HTR5A: variants seen among roughly 807,000 people sequenced by gnomAD.
The protein encoded by HTR5A is 5-HT-5.
HTR5A carries 21 observed loss-of-function variants against 24.3 expected under a neutral mutation model. The observed-to-expected ratio is 0.86, with a 90% CI of 0.61 to 1.24. The LOEUF is 1.24. Ranked by LOEUF, HTR5A falls within the 50% of genes most tolerant of loss-of-function variation. HTR5A has a pLI of 0.00. For missense variants in HTR5A, 497 were observed against 489.5 expected (o/e 1.02, Z -0.15); for synonymous variants, 260 against 213.7 (o/e 1.22, Z -1.89).
intron 1 of HTR5A, among the ~76,000 whole-genome samples, chr7:155,072,413 A>C (rs1337214301): frequency 6.6e-6 from 1 of 152,204 alleles, no homozygotes. Flanking sequence ...AAAATCCAGG[A>C]AAGAGAATTC....
Position 155,086,067 on chromosome 7 carries a change from C to A in HTR5A, c.*1580C>A, listed in dbSNP as rs1393543863. On this transcript the variant is annotated 3_prime_UTR_variant, in exon 2 of 2. Transcript: ENST00000287907. ...TGTATATATCACTTGAAGTGCTAAA[C>A]CCACAAGTATTTAAAATACAGACTC... is the stretch of plus-strand genomic sequence containing the variant. Among the ~76,000 whole-genome samples the A allele has an allele frequency of 6.6e-6, 1 of 152,132 alleles. No individual in the cohort carries two copies. The highest frequency in any genetic ancestry group is 1.5e-5 in the Non-Finnish European group (1 of 68,022).
chr7:155,083,661 A>G (rs1027025838), intron 1 of HTR5A, among the ~76,000 whole-genome samples: 1 of 152,236 alleles, frequency 6.6e-6, no homozygotes, highest in South Asian at 2.1e-4. Flanking sequence ...CTCAAACAGT[A>G]GAATATGCTA....
rs1795331486 is a variant in HTR5A at position 155,073,904 on chromosome 7, T to TATATAC, written c.741+2269_741+2270insCATATA. Among the ~76,000 whole-genome samples the TATATAC allele has an allele frequency of 1.2e-3, 46 of 37,118 alleles. 1 individual carries two copies. Among genetic ancestry groups the TATATAC allele is most frequent in the African/African-American group, 2.6e-3 (44 of 16,724 alleles). 24.4% of individuals were successfully genotyped at this position (37,118 alleles called of 152,430 possible). On this transcript the variant is annotated intron_variant, in intron 1 of 1. Coordinates refer to ENST00000287907, the MANE Select transcript of HTR5A (RefSeq NM_024012.4). The stretch of plus-strand genomic sequence containing the variant: ...ATATATATATGTATATATATATATA[T>TATATAC]ATATATATATATGTATATATATATA...
intron 1 of HTR5A, among the ~76,000 whole-genome samples, chr7:155,072,724 C>T (rs920732788): frequency 5.3e-5 from 8 of 152,040 alleles, no homozygotes; most frequent in African/African-American, 1.4e-4. Context: ...AAGAGGTAAG[C>T]GAATGATAGA....
chr7:155,075,583 A>G (rs1259048018), intron 1 of HTR5A, among the ~76,000 whole-genome samples: 1 of 152,350 alleles, frequency 6.6e-6, no homozygotes, highest in East Asian at 1.9e-4. Context: ...TGATCAGGAA[A>G]GCAAGTCCCA....
chr7:155,082,028 G>A (rs1390001192), intron 1 of HTR5A, among the ~76,000 whole-genome samples: 2 of 152,194 alleles, frequency 1.3e-5, no homozygotes, highest in African/African-American at 4.8e-5. Flanking sequence ...TATCACCAGT[G>A]TGATCATCAC....
chr7:155,074,392 TAAG>T (rs932091918), intron 1 of HTR5A, among the ~76,000 whole-genome samples: 1 of 152,158 alleles, frequency 6.6e-6, no homozygotes, highest in Non-Finnish European at 1.5e-5. Flanking sequence ...ACAGTTTGCC[TAAG>T]AAGAGCAGAA....
chr7:155,070,829 C>T lies in HTR5A; in HGVS notation c.-71C>T. 1 of 1,481,346 alleles carries T rather than the reference C, an allele frequency of 6.8e-7. No homozygotes were observed. Among genetic ancestry groups the T allele is most frequent in the Non-Finnish European group, 9.1e-7 (1 of 1,098,322 alleles). The allele number at this position is 1,481,346 out of a possible 1,614,324, so 91.8% of individuals were successfully genotyped here. The stretch of plus-strand genomic sequence containing the variant: ...TGCAAACATCCGGATTGGCTCTGGG[C>T]ACAGTGGCCGCCTTAAGTCCTCCTG... On this transcript the variant is annotated 5_prime_UTR_variant, in exon 1 of 2. Transcript: ENST00000287907.
rs1319879889 is a variant in HTR5A, at chr7:155,073,871, A to G, written c.741+2231A>G. 3.3e-3 allele frequency among the ~76,000 whole-genome samples: 205 copies of G among 61,390 alleles called. 3 individuals are homozygous for G. The highest frequency in any genetic ancestry group is 7.0e-3 in the Non-Finnish European group (155 of 22,258). 40.3% of individuals were successfully genotyped at this position (61,390 alleles called of 152,430 possible). ...TATACATATGTGTGTGTGTGTATAT[A>G]TATATGTATATATATATGTATATAT... On this transcript the variant is annotated intron_variant, in intron 1 of 1. Coordinates refer to ENST00000287907, the MANE Select transcript of HTR5A (RefSeq NM_024012.4).
chr7:155,073,279 C>T (rs934553060), intron 1 of HTR5A, among the ~76,000 whole-genome samples: 5 of 142,628 alleles, frequency 3.5e-5, no homozygotes, highest in Non-Finnish European at 7.5e-5. Context: ...CGAGATTGCG[C>T]CACTGCACTC....
chr7:155,080,347 A>G (rs1194714559), intron 1 of HTR5A, among the ~76,000 whole-genome samples: 1 of 152,238 alleles, frequency 6.6e-6, no homozygotes, highest in Non-Finnish European at 1.5e-5. Context: ...TTATCCAAGG[A>G]CATAGTTGGT....
Position 155,084,660 on chromosome 7 carries a change from A to C in HTR5A, c.*173A>C. 1 of 601,812 alleles carries C rather than the reference A, an allele frequency of 1.7e-6. No individual in the cohort carries two copies. Among genetic ancestry groups the C allele is most frequent in the Admixed American group, 3.1e-5 (1 of 32,352 alleles). The allele number at this position is 601,812 out of a possible 1,614,324, so 37.3% of individuals were successfully genotyped here. Reference sequence around the variant, plus strand: ...TTTCCACCTCCTCAGTAGGAATATGACTCCTCATAGAGTTACGGTGACATG... The same window carrying C: ...TTTCCACCTCCTCAGTAGGAATATGCCTCCTCATAGAGTTACGGTGACATG... On this transcript the variant is annotated 3_prime_UTR_variant, in exon 2 of 2. Coordinates refer to ENST00000287907, the MANE Select transcript of HTR5A (RefSeq NM_024012.4).
chr7:155,084,642 C>T lies in HTR5A; in HGVS notation c.*155C>T. On this transcript the variant is annotated 3_prime_UTR_variant, in exon 2 of 2. Coordinates refer to ENST00000287907, the MANE Select transcript of HTR5A (RefSeq NM_024012.4). ...AGAACTGCACTGGCCTCTTTTCCAC[C>T]TCCTCAGTAGGAATATGACTCCTCA... is the stretch of plus-strand genomic sequence containing the variant. 1 of 626,958 alleles carries T rather than the reference C, an allele frequency of 1.6e-6. No individual in the cohort carries two copies. Among genetic ancestry groups the T allele is most frequent in the Non-Finnish European group, 2.8e-6 (1 of 359,048 alleles). The allele number at this position is 626,958 out of a possible 1,614,324, so 38.8% of individuals were successfully genotyped here. A position where few individuals can be genotyped will look rare whatever the true frequency, so the allele number is the denominator to read the frequency against.
At chr7:155,072,422 T>A (rs1795307503) in intron 1 of HTR5A, among the ~76,000 whole-genome samples, 1 of 152,134 alleles carries the variant, frequency 6.6e-6, no homozygotes, top group Admixed American at 6.6e-5. Flanking sequence ...GAAAGAGAAT[T>A]CCCTAGCTCT....
intron 1 of HTR5A, among the ~76,000 whole-genome samples, chr7:155,081,313 GGCAAA>G (rs1031834034): frequency 6.6e-6 from 1 of 152,108 alleles, no homozygotes; most frequent in African/African-American, 2.4e-5. Flanking sequence ...TTATTAGACA[GGCAAA>G]GCAGAGTGGT....
chr7:155,071,685 A>G (rs374536711), intron 1 of HTR5A, 45 bp downstream of exon 1: 131 of 1,587,716 alleles, frequency 8.3e-5, no homozygotes, highest in Non-Finnish European at 1.1e-4. Flanking sequence ...TTGCATCTGT[A>G]CAGGCTATAT....
rs1795486111 is a variant in HTR5A at position 155,087,167 on chromosome 7, G to A, written c.*2680G>A. ...TTCATTGTGCGGTAGTGAAAGACAA[G>A]TGGAAGATGTCCCTGAGTCTGTATT... On this transcript the variant is annotated 3_prime_UTR_variant, in exon 2 of 2. Coordinates refer to ENST00000287907, the MANE Select transcript of HTR5A (RefSeq NM_024012.4). Among the ~76,000 whole-genome samples the A allele has an allele frequency of 6.6e-6, 1 of 152,142 alleles. No individual in the cohort carries two copies. Among genetic ancestry groups the A allele is most frequent in the Non-Finnish European group, 1.5e-5 (1 of 68,010 alleles).
intron 1 of HTR5A, chr7:155,077,171 A>G (rs904957044): frequency 1.3e-5 from 2 of 152,230 alleles, no homozygotes; most frequent in African/African-American, 4.8e-5. Flanking sequence ...CAGATCAGGT[A>G]TAATCTCATC....
chr7:155,078,124 A>G (rs1169156754), intron 1 of HTR5A, among the ~76,000 whole-genome samples: 2 of 152,174 alleles, frequency 1.3e-5, no homozygotes, highest in Non-Finnish European at 2.9e-5. Flanking sequence ...TAATATATAC[A>G]GGGATCCTTA....
Sources: allele counts gnomAD v4.1 joint callset (sites outside exome capture counted in the v4.1 genomes callset), GRCh38; gene constraint gnomAD v4.1.1; transcripts MANE v1.5; gene names NCBI Gene and HGNC (gene_info 2026-07-23, HGNC 2026-07-21).